The following BZW1 variants were observed in gnomAD, a reference collection of about 807,000 sequenced individuals.
BZW1 encodes the protein basic leucine zipper and W2 domains 1, also known as eIF5-mimic protein 2.
In BZW1, 3 loss-of-function variants were observed where a neutral mutation model predicts 54.1. The ratio of observed to expected loss-of-function variants is 0.06; its 90% CI spans 0.03 to 0.14. The LOEUF (loss-of-function observed/expected upper bound fraction) is 0.14, where lower values mean the gene tolerates loss of function less well. BZW1 is among the 10% of genes least tolerant of loss of function. The pLI is 1.00. For synonymous variants in BZW1, 152 were observed against 162.7 expected, an observed-to-expected ratio of 0.93 and a Z score of 0.50; for missense variants, 206 against 491.7, an observed-to-expected ratio of 0.42 and a Z score of 5.50.
rs1348589884 is a variant in BZW1, at chr2:200,826,421, T to TGATAGATAGA, written c.*4243_*4244insGATAGATAGA. 944 of 87,674 alleles carry TGATAGATAGA rather than the reference T, an allele frequency of 0.011. 11 individuals carry two copies. The highest frequency in any genetic ancestry group is 0.03 in the East Asian group (70 of 2,354). 5.4% of individuals were successfully genotyped at this position (87,674 alleles called of 1,614,324 possible). The stretch of plus-strand genomic sequence containing the variant: ...GATAGATAGATATTTTTTTTTTTTT[T>TGATAGATAGA]TTTTTTTTTTTTTTTTTTTTTGAGA... On this transcript the variant is annotated 3_prime_UTR_variant, in exon 12 of 12. Coordinates refer to ENST00000409600, the MANE Select transcript of BZW1 (RefSeq NM_001207067.2).
Position 200,817,123 on chromosome 2 carries a change from G to A in BZW1, c.420G>A (p.Lys140=). The A allele has an allele frequency of 6.2e-7, 1 of 1,613,826 alleles. No homozygotes were observed. Among genetic ancestry groups the A allele is most frequent in the Non-Finnish European group, 8.5e-7 (1 of 1,179,864 alleles). Residue 140 remains lysine (K), a synonymous_variant, in exon 6 of 12, where the codon AAG becomes AAA. Coordinates refer to ENST00000409600, the MANE Select transcript of BZW1 (RefSeq NM_001207067.2). ...TTTTACAGCTGCTGCTGTTCTTGAA[G>A]GGTTTTTCAGAGTCGGAGAGGAACA... The part of the protein sequence containing the change: ...DEVKKLLLFL[K]GFSESERNKL...
rs370242551 is a variant in BZW1 at position 200,817,205 on chromosome 2, C to T, written c.502C>T (p.Leu168Phe). The change falls in exon 6 of 12, where the codon CTT (leucine) becomes TTT (phenylalanine). Residue 168 changes from leucine to phenylalanine, a missense_variant. Physicochemically the swap from Leu to Phe is conservative, Grantham distance 22. Around this residue, in one of 5 missense-constraint regions of BZW1, gnomAD observed 81 missense variants for 257.1 expected, o/e 0.32. Coordinates refer to ENST00000409600, the MANE Select transcript of BZW1 (RefSeq NM_001207067.2). ...LANGTLNASI[L>F]NSLYNENLVK... ...TAATGGAACACTTAATGCATCCATT[C>T]TTAATAGCCTTTATAATGAAAATTT... The T allele has an allele frequency of 6.2e-7, 1 of 1,613,600 alleles. No individual in the cohort carries two copies. Among genetic ancestry groups the T allele is most frequent in the Non-Finnish European group, 8.5e-7 (1 of 1,179,820 alleles).
chr2:200,820,132 T>A lies in BZW1; in HGVS notation c.1105+12T>A. 2 of 1,520,086 alleles carry A rather than the reference T, an allele frequency of 1.3e-6. No homozygotes were observed. The highest frequency in any genetic ancestry group is 8.8e-7 in the Non-Finnish European group (1 of 1,132,114). 94.2% of individuals were successfully genotyped at this position (1,520,086 alleles called of 1,614,324 possible). On this transcript the variant is annotated intron_variant, in intron 10 of 11. Coordinates refer to ENST00000409600, the MANE Select transcript of BZW1 (RefSeq NM_001207067.2). ...GCTTTTTTATAAAGGTAATTTAGATTTTGAATTTTGTAAATAACACTTAAT... is the reference window on the plus strand; with the variant it reads ...GCTTTTTTATAAAGGTAATTTAGATATTGAATTTTGTAAATAACACTTAAT...
intron 9 of BZW1, among the ~76,000 whole-genome samples, chr2:200,819,521 G>GGT (rs2038427087): frequency 6.6e-6 from 1 of 151,628 alleles, no homozygotes; most frequent in Non-Finnish European, 1.5e-5. Flanking sequence ...TGGACTACTT[G>GGT]GTATAGTATT....
At chr2:200,813,997 A>G (rs533492105) in intron 2 of BZW1, among the ~76,000 whole-genome samples, 24 of 152,308 alleles carry the variant, frequency 1.6e-4, no homozygotes, top group African/African-American at 5.8e-4. Context: ...CTTAAGTAGC[A>G]GACATTTTGA....
At position 200,815,533 on chromosome 2, in the gene BZW1, T is replaced by A. The variant is rs1055645182; in HGVS notation, c.241+16T>A. On this transcript the variant is annotated intron_variant, in intron 3 of 11. Coordinates refer to ENST00000409600, the MANE Select transcript of BZW1 (RefSeq NM_001207067.2). Reference sequence around the variant, plus strand: ...GGAATGCTGGGTAAGTGTCTGTGGTTTGTGGGCTTAATAATTTAGAAAGGT... The same window carrying A: ...GGAATGCTGGGTAAGTGTCTGTGGTATGTGGGCTTAATAATTTAGAAAGGT... 5 of 1,613,490 alleles carry A rather than the reference T, an allele frequency of 3.1e-6. No individual in the cohort carries two copies. Among genetic ancestry groups the A allele is most frequent in the Non-Finnish European group, 4.2e-6 (5 of 1,179,652 alleles).
intron 9 of BZW1, 99 bp downstream of exon 9, chr2:200,819,000 T>TTCTAGA (rs2038402584): frequency 1.4e-6 from 2 of 1,380,832 alleles, no homozygotes; most frequent in Middle Eastern, 1.8e-4. Context: ...TCACATCCTG[T>TTCTAGA]GGTTCCTAGG....
chr2:200,814,510 AGT>A (rs1424487620), intron 2 of BZW1, among the ~76,000 whole-genome samples: 10 of 152,220 alleles, frequency 6.6e-5, no homozygotes, highest in African/African-American at 2.4e-4. Flanking sequence ...CCTATTATGA[AGT>A]GTGTGAAAGC....
chr2:200,817,386 CATTTAA>C, intron 6 of BZW1, 145 bp downstream of exon 6: 1 of 1,069,474 alleles, frequency 9.4e-7, no homozygotes, highest in Non-Finnish European at 1.3e-6. Context: ...ATTCACTAGA[CATTTAA>C]TGAATACCTT....
chr2:200,818,103 T>C lies in BZW1; in HGVS notation c.648+20T>C. On this transcript the variant is annotated intron_variant, in intron 7 of 11. Transcript: ENST00000409600. ...CTGATGGTTGGTAACTTTTTTTCAT[T>C]CTTCCCATTCTTGCCAAGGATGTAA... The C allele has an allele frequency of 5.2e-6, 8 of 1,535,488 alleles. No individual in the cohort carries two copies. Among genetic ancestry groups the C allele is most frequent in the Non-Finnish European group, 6.2e-6 (7 of 1,136,418 alleles).
rs1449253148 is a variant in BZW1, at chr2:200,823,145, A to T, written c.*967A>T. The stretch of plus-strand genomic sequence containing the variant: ...AAAGGTCAGCATGTTCTAATTGGGA[A>T]TCTAGATATAGCTTAGATTTCCTAT... On this transcript the variant is annotated 3_prime_UTR_variant, in exon 12 of 12. Coordinates refer to ENST00000409600, the MANE Select transcript of BZW1 (RefSeq NM_001207067.2). 6.1e-6 allele frequency: 1 copy of T among 163,960 alleles called. No individual in the cohort carries two copies. Among genetic ancestry groups the T allele is most frequent in the Non-Finnish European group, 1.5e-5 (1 of 67,470 alleles). 10.2% of individuals were successfully genotyped at this position (163,960 alleles called of 1,614,324 possible). A position where few individuals can be genotyped will look rare whatever the true frequency, so the allele number is the denominator to read the frequency against.
Position 200,815,447 on chromosome 2 carries a change from T to C in BZW1, c.171T>C (p.Ser57=), listed in dbSNP as rs764626498. Residue 57 remains serine (S), a synonymous_variant, in exon 3 of 12, where the codon TCT becomes TCC. Transcript: ENST00000409600. The part of the protein sequence containing the change: ...LEAVAKFLDA[S]GAKLDYRRYA... ...CAGTAGCTAAGTTTCTTGATGCTTC[T>C]GGAGCAAAACTTGATTACCGTCGAT... 1 of 1,614,016 alleles carries C rather than the reference T, an allele frequency of 6.2e-7. No individual in the cohort carries two copies. Among genetic ancestry groups the C allele is most frequent in the Non-Finnish European group, 8.5e-7 (1 of 1,179,882 alleles).
At chr2:200,816,956 A>G in intron 5 of BZW1, 150 bp from the exon 6 acceptor site, 2 of 914,286 alleles carry the variant, frequency 2.2e-6, no homozygotes, top group Non-Finnish European at 1.6e-6. Flanking sequence ...GAGATCATTC[A>G]GCTAATGAGT....
In BZW1 at chr2:200,816,358, C is replaced by T; in HGVS notation, c.370C>T (p.Leu124=). ...FNKLIRRYKY[L]EKGFEDEVKK... ...CAAGTTAATCAGGCGCTACAAATAC[C>T]TGGAGAAAGGTTTTGAAGATGAAGT... Residue 124 remains leucine, a synonymous_variant, in exon 5 of 12, where the codon CTG becomes TTG. Transcript: ENST00000409600. The T allele has an allele frequency of 6.3e-7, 1 of 1,585,842 alleles. No individual in the cohort carries two copies. Among genetic ancestry groups the T allele is most frequent in the Non-Finnish European group, 8.6e-7 (1 of 1,160,066 alleles).
intron 1 of BZW1, 115 bp from the exon 2 acceptor site, chr2:200,813,093 A>G: frequency 1.2e-6 from 1 of 833,258 alleles, no homozygotes; most frequent in Non-Finnish European, 2.0e-6. Flanking sequence ...CCAGCTTTAT[A>G]TCCTGAGAGT....
At chr2:200,815,875 A>G (rs1488868807) in intron 4 of BZW1, 114 bp downstream of exon 4, 1 of 1,041,424 alleles carries the variant, frequency 9.6e-7, no homozygotes, top group Non-Finnish European at 1.4e-6. Flanking sequence ...TTGATTTTAA[A>G]TTTTAGGGAT....
rs1162404241 is a variant in BZW1, at chr2:200,823,719, T to C, written c.*1541T>C. Reference sequence around the variant, plus strand: ...TTAAAATGAGTAACTTTGATAAAGTTTTTCATGCACAGGCAAAATGTATTC... The same window carrying C: ...TTAAAATGAGTAACTTTGATAAAGTCTTTCATGCACAGGCAAAATGTATTC... On this transcript the variant is annotated 3_prime_UTR_variant, in exon 12 of 12. Coordinates refer to ENST00000409600, the MANE Select transcript of BZW1 (RefSeq NM_001207067.2). 2.6e-5 allele frequency: 4 copies of C among 152,284 alleles called. No individual in the cohort carries two copies. Among genetic ancestry groups the C allele is most frequent in the Non-Finnish European group, 4.4e-5 (3 of 67,910 alleles). 9.4% of individuals were successfully genotyped at this position (152,284 alleles called of 1,614,324 possible). A position where few individuals can be genotyped will look rare whatever the true frequency, so the allele number is the denominator to read the frequency against.
chr2:200,811,639 AC>A (rs1036653997), upstream of BZW1: 1 of 152,128 alleles, frequency 6.6e-6, no homozygotes, highest in African/African-American at 2.4e-5. Context: ...CGCTCTTCCA[AC>A]CCCTCCATGT....
intron 4 of BZW1, 55 bp downstream of exon 4, chr2:200,815,816 T>A (rs1387447738): frequency 4.3e-6 from 6 of 1,390,260 alleles, no homozygotes; most frequent in Non-Finnish European, 5.8e-6. Context: ...TGTGGTATAT[T>A]TGAGGAATAT....
Sources: allele counts gnomAD v4.1 joint callset (sites outside exome capture counted in the v4.1 genomes callset), GRCh38; gene constraint gnomAD v4.1.1; regional missense constraint gnomAD v4.1.1; transcripts MANE v1.5; gene names NCBI Gene and HGNC (gene_info 2026-07-23, HGNC 2026-07-21).